QRICH1: variants seen among roughly 807,000 people sequenced by gnomAD.
QRICH1 encodes transcriptional regulator QRICH1.
Under a neutral mutation model 87.1 loss-of-function variants are expected in QRICH1, and 16 were observed. That is an observed-to-expected ratio of 0.18 (90% confidence interval 0.12 to 0.28). QRICH1 has a LOEUF of 0.28. Ranked by LOEUF, QRICH1 falls within the 10% of genes least tolerant of loss-of-function variation. The pLI, the probability that QRICH1 is intolerant of heterozygous loss-of-function variation, is 1.00. For missense variants in QRICH1, 647 were observed against 951.7 expected, an observed-to-expected ratio of 0.68 and a Z score of 4.21; for synonymous variants, 367 against 368.4, an observed-to-expected ratio of 1.00 and a Z score of 0.05.
intron 6 of QRICH1, among the ~76,000 whole-genome samples, chr3:49,038,202 A>T (rs1337604528): frequency 3.3e-5 from 5 of 151,444 alleles, no homozygotes; most frequent in Non-Finnish European, 7.4e-5. Context: ...CTGGGACTAC[A>T]GGCACTCACC....
At position 49,044,414 on chromosome 3, in the gene QRICH1, C is replaced by T; in HGVS notation, c.1762G>A (p.Val588Ile). 6.2e-7 allele frequency: 1 copy of T among 1,613,122 alleles called. No homozygotes were observed. The highest frequency in any genetic ancestry group is 1.3e-5 in the African/African-American group (1 of 74,950). The change falls in exon 6 of 10, where the codon GTT becomes ATT. Residue 588 changes from valine to isoleucine, a missense_variant. Val to Ile is a conservative substitution (Grantham distance 29). Transcript: ENST00000395443. ...CCAAGTGGAGTGACCCGGGGCTGAA[C>T]ATCCTTCAGAACTTCATGTAGCCAC... The part of the protein sequence containing the change: ...TEWLHEVLKD[V>I]QPRVTPLGYV...
At chr3:49,054,894 T>G (rs1442104853) in intron 3 of QRICH1, among the ~76,000 whole-genome samples, 1 of 152,172 alleles carries the variant, frequency 6.6e-6, no homozygotes, top group African/African-American at 2.4e-5. Flanking sequence ...AGCAACAACC[T>G]GTCTCAAAAA....
At chr3:49,039,272 G>C (rs1404107195) in intron 6 of QRICH1, among the ~76,000 whole-genome samples, 1 of 151,678 alleles carries the variant, frequency 6.6e-6, no homozygotes, top group African/African-American at 2.4e-5. Context: ...CAGGAGAATT[G>C]CTGGAACCTG....
At chr3:49,042,576 G>T (rs898777991) in intron 6 of QRICH1, among the ~76,000 whole-genome samples, 2 of 151,826 alleles carry the variant, frequency 1.3e-5, no homozygotes, top group Middle Eastern at 6.8e-3. Context: ...AGGTGAAAAG[G>T]TTTGTTTTTT....
In QRICH1 at chr3:49,047,255, G is replaced by C. The variant is rs191466133; in HGVS notation, c.1339-9C>G. The C allele has an allele frequency of 6.9e-6, 11 of 1,596,184 alleles. No individual in the cohort carries two copies. Among genetic ancestry groups the C allele is most frequent in the Non-Finnish European group, 9.4e-6 (11 of 1,170,330 alleles). ...ACCTGGACAGTTTGAGCCTATAGGA[G>C]AGAAACCATGAAAATGTGTCAATAT... On this transcript the variant is annotated splice_polypyrimidine_tract_variant and intron_variant, in intron 3 of 9. Coordinates refer to ENST00000395443, the MANE Select transcript of QRICH1 (RefSeq NM_198880.3).
chr3:49,042,953 C>G (rs1208490933), intron 6 of QRICH1, among the ~76,000 whole-genome samples: 1 of 152,120 alleles, frequency 6.6e-6, no homozygotes, highest in Non-Finnish European at 1.5e-5. Flanking sequence ...TTCATCAAAA[C>G]TCAGAATGTA....
intron 1 of QRICH1, among the ~76,000 whole-genome samples, chr3:49,088,397 T>C (rs1302878573): frequency 2.0e-5 from 3 of 151,774 alleles, no homozygotes; most frequent in Non-Finnish European, 2.9e-5. Flanking sequence ...CAGGTTCAAG[T>C]GGTTCTCCTG....
intron 2 of QRICH1, among the ~76,000 whole-genome samples, chr3:49,060,225 G>A (rs1385717464): frequency 6.6e-6 from 1 of 150,518 alleles, no homozygotes; most frequent in East Asian, 2.0e-4. Flanking sequence ...ACCAAGTCTC[G>A]CTCTGTCGCC....
intron 6 of QRICH1, among the ~76,000 whole-genome samples, chr3:49,036,838 G>A (rs1025975615): frequency 1.3e-5 from 2 of 151,976 alleles, no homozygotes; most frequent in African/African-American, 4.8e-5. Flanking sequence ...CGAGGTGTGC[G>A]GAATGCCTAA....
At chr3:49,039,159 C>T (rs2106834951) in intron 6 of QRICH1, among the ~76,000 whole-genome samples, 1 of 152,020 alleles carries the variant, frequency 6.6e-6, no homozygotes, top group African/African-American at 2.4e-5. Context: ...GAGTTCAAGA[C>T]CAGCCTGGCC....
chr3:49,047,282 GTTTTA>G (rs1451474636), intron 3 of QRICH1, 36 bp from the exon 4 acceptor site: 3 of 1,574,042 alleles, frequency 1.9e-6, no homozygotes, highest in Non-Finnish European at 2.6e-6. Flanking sequence ...TGTCAATATT[GTTTTA>G]TATTAGATCC....
chr3:49,037,890 T>C (rs1437521795), intron 6 of QRICH1, among the ~76,000 whole-genome samples: 2 of 151,954 alleles, frequency 1.3e-5, no homozygotes, highest in African/African-American at 4.8e-5. Flanking sequence ...GAGGCAGAAT[T>C]GCTTGAACTT....
chr3:49,069,107 A>AT (rs57230454), intron 2 of QRICH1, among the ~76,000 whole-genome samples: 21,920 of 123,688 alleles, frequency 0.18, 2,270 homozygotes, highest in African/African-American at 0.24. Context: ...TATTATTATT[A>AT]TTTTTTTTTT....
At chr3:49,082,330 C>G (rs2042078095) in intron 1 of QRICH1, among the ~76,000 whole-genome samples, 2 of 152,138 alleles carry the variant, frequency 1.3e-5, no homozygotes, top group Non-Finnish European at 2.9e-5. Context: ...ATACCAAAGT[C>G]CAGAACATAT....
At chr3:49,048,148 G>A (rs1262176589) in intron 3 of QRICH1, among the ~76,000 whole-genome samples, 12 of 149,802 alleles carry the variant, frequency 8.0e-5, no homozygotes, top group Non-Finnish European at 1.5e-4. Flanking sequence ...TTTTTTTGGC[G>A]GGGAAAGAGT....
At position 49,057,007 on chromosome 3, in the gene QRICH1, G is replaced by C; in HGVS notation, c.1193C>G (p.Ala398Gly). 3.1e-6 allele frequency: 5 copies of C among 1,614,258 alleles called. No individual in the cohort carries two copies. Among genetic ancestry groups the C allele is most frequent in the Non-Finnish European group, 4.2e-6 (5 of 1,180,046 alleles). Residue 398 changes from alanine (A) to glycine (G), a missense_variant, in exon 3 of 10, where the codon GCT (alanine) becomes GGT (glycine). Ala to Gly is a moderately conservative substitution (Grantham distance 60, BLOSUM62 0). Around this residue, in one of 7 missense-constraint regions of QRICH1, gnomAD observed 115 missense variants for 126.8 expected, o/e 0.91. Coordinates refer to ENST00000395443, the MANE Select transcript of QRICH1 (RefSeq NM_198880.3). This position sits in a 1 kb window ranked among gnomAD's most constrained non-coding sequence, Gnocchi z 5.4. Reference protein sequence around the residue: ...FMNGNIHIPVAVQAVAGTYQN... With the variant: ...FMNGNIHIPVGVQAVAGTYQN... ...GTACGTGCCTGCCACAGCCTGCACA[G>C]CCACTGGAATGTGGATGTTGCCATT...
chr3:49,034,009 CAAAAAAAA>C (rs990187696), intron 6 of QRICH1, among the ~76,000 whole-genome samples: 3 of 149,754 alleles, frequency 2.0e-5, no homozygotes, highest in Non-Finnish European at 4.4e-5. Flanking sequence ...AACAAAAAAA[CAAAAAAAA>C]CAAAAAAAAC....
At chr3:49,063,935 T>C (rs964496186) in intron 2 of QRICH1, among the ~76,000 whole-genome samples, 9 of 152,134 alleles carry the variant, frequency 5.9e-5, no homozygotes, top group African/African-American at 2.2e-4. Context: ...GAGATGGAGT[T>C]TCACTCTGTT....
intron 6 of QRICH1, among the ~76,000 whole-genome samples, chr3:49,034,496 T>A (rs2093262561): frequency 6.6e-6 from 1 of 151,378 alleles, no homozygotes; most frequent in Admixed American, 6.6e-5. Flanking sequence ...TCACCCAAGC[T>A]AGAGTACAGT....
Sources: allele counts gnomAD v4.1 joint callset (sites outside exome capture counted in the v4.1 genomes callset), GRCh38; gene constraint gnomAD v4.1.1; regional missense constraint gnomAD v4.1.1; non-coding constraint Gnocchi (gnomAD v3.1); transcripts MANE v1.5; gene names NCBI Gene and HGNC (gene_info 2026-07-23, HGNC 2026-07-21).